The following ZNF331 variants were observed in gnomAD, a reference collection of about 807,000 sequenced individuals.
The protein encoded by ZNF331 is zinc finger protein 331.
In ZNF331, 2 loss-of-function variants were observed where a neutral mutation model predicts 7.0. The ratio of observed to expected loss-of-function variants is 0.29; its 90% CI spans 0.12 to 0.90. ZNF331 has a LOEUF of 0.90. Ranked by LOEUF, ZNF331 falls within the 40% of genes least tolerant of loss-of-function variation. ZNF331 has a pLI of 0.58. For synonymous variants in ZNF331, 196 were observed against 205.4 expected (o/e 0.95, Z 0.39); for missense variants, 432 against 587.7 (o/e 0.74, Z 2.74).
the ZNF331 span, among the ~76,000 whole-genome samples, chr19:53,507,176 G>T: frequency 3.9e-5 from 6 of 152,132 alleles, no homozygotes; most frequent in Admixed American, 3.9e-4. Context: ...GTCATCTGCA[G>T]CCTCTGGAAA....
chr19:53,519,728 C>CT (rs1348545447), upstream of ZNF331, among the ~76,000 whole-genome samples: 7 of 152,202 alleles, frequency 4.6e-5, no homozygotes, highest in African/African-American at 1.7e-4. Context: ...AACGCAAAGT[C>CT]CTGCCCTTAC....
intron 2 of ZNF331, among the ~76,000 whole-genome samples, chr19:53,554,339 G>A (rs950359248): frequency 2.6e-5 from 4 of 152,208 alleles, no homozygotes; most frequent in African/African-American, 9.6e-5. Context: ...CTGGCCACAC[G>A]CATGCGTTGG....
At chr19:53,524,043 T>A (rs2087195729) in intron 2 of ZNF331, among the ~76,000 whole-genome samples, 1 of 152,240 alleles carries the variant, frequency 6.6e-6, no homozygotes, top group Non-Finnish European at 1.5e-5. Flanking sequence ...GATAGTTTGC[T>A]CAGAATGATG....
intron 2 of ZNF331, among the ~76,000 whole-genome samples, chr19:53,541,128 A>G (rs1173571890): frequency 9.2e-6 from 1 of 108,860 alleles, no homozygotes; most frequent in Non-Finnish European, 2.0e-5. Flanking sequence ...TTTTTTTGAG[A>G]CAGAGTTTCG....
At position 53,578,627 on chromosome 19, in the gene ZNF331, T is replaced by C. The variant is rs80147578; in HGVS notation, c.*675T>C. The C allele has an allele frequency of 3.4e-3, 690 of 204,680 alleles. 5 individuals carry two copies. Among genetic ancestry groups the C allele is most frequent in the African/African-American group, 0.015 (650 of 43,768 alleles). The allele number at this position is 204,680 out of a possible 1,614,324, so 12.7% of individuals were successfully genotyped here. ...ATATATGTACAGGAAAAAAACGTAC[T>C]ATCTGTGGTTTCAGGTGTCCACTGC... On this transcript the variant is annotated 3_prime_UTR_variant, in exon 6 of 6. Coordinates refer to ENST00000449416, the MANE Select transcript of ZNF331 (RefSeq NM_001079906.2).
At chr19:53,569,879 A>C (rs568075044) in intron 4 of ZNF331, among the ~76,000 whole-genome samples, 2 of 152,122 alleles carry the variant, frequency 1.3e-5, no homozygotes, top group South Asian at 2.1e-4. Flanking sequence ...CCTGCCGGGA[A>C]ACTGGAGGAT....
chr19:53,539,808 T>C lies in ZNF331; in HGVS notation c.-138+526T>C, dbSNP rs148585937. Among the ~76,000 whole-genome samples the C allele has an allele frequency of 3.4e-3, 520 of 152,300 alleles. 9 individuals are homozygous for C. The highest frequency in any genetic ancestry group is 0.012 in the African/African-American group (499 of 41,570). On this transcript the variant is annotated intron_variant, in intron 2 of 5. Transcript: ENST00000449416. This position sits in a 1 kb window ranked among gnomAD's most constrained non-coding sequence, Gnocchi z 6.1. ...GACATTTAGACCCATTGGTCTACAA[T>C]CGAAGGCTGTGTACCTTGACCACAA...
the ZNF331 span, among the ~76,000 whole-genome samples, chr19:53,506,508 G>GTCTC: frequency 4.7e-5 from 4 of 85,468 alleles, no homozygotes; most frequent in East Asian, 3.5e-4. Context: ...CTCTCTCTCT[G>GTCTC]TCTCTCTCTC....
chr19:53,578,574 C>T lies in ZNF331; in HGVS notation c.*622C>T, dbSNP rs1371637906. ...AAATTAAACTTTAGATATGTATGTA[C>T]AGGAAAAAATGTAGTATATAGTATC... On this transcript the variant is annotated 3_prime_UTR_variant, in exon 6 of 6. Transcript: ENST00000449416. The T allele has an allele frequency of 3.8e-5, 8 of 211,060 alleles. No homozygotes were observed. Among genetic ancestry groups the T allele is most frequent in the Non-Finnish European group, 7.7e-5 (8 of 104,406 alleles). The allele number at this position is 211,060 out of a possible 1,614,324, so 13.1% of individuals were successfully genotyped here. A position where few individuals can be genotyped will look rare whatever the true frequency, so the allele number is the denominator to read the frequency against.
upstream of ZNF331, among the ~76,000 whole-genome samples, chr19:53,535,240 T>G (rs1230967318): frequency 6.7e-6 from 1 of 150,306 alleles, no homozygotes; most frequent in African/African-American, 2.4e-5. Flanking sequence ...TACAGGTGTC[T>G]GCCACACATT....
At chr19:53,542,740 A>C (rs1049816248) in intron 2 of ZNF331, among the ~76,000 whole-genome samples, 3 of 152,138 alleles carry the variant, frequency 2.0e-5, no homozygotes, top group Admixed American at 2.0e-4. Flanking sequence ...AATGAATTTC[A>C]TTCTTAACAT....
Position 53,577,110 on chromosome 19 carries a change from G to A in ZNF331, c.550G>A (p.Glu184Lys). 6.2e-7 allele frequency: 1 copy of A among 1,614,210 alleles called. No homozygotes were observed. Among genetic ancestry groups the A allele is most frequent in the Non-Finnish European group, 8.5e-7 (1 of 1,180,048 alleles). Residue 184 changes from glutamate (E) to lysine (K), a missense_variant, in exon 6 of 6, where the codon GAG becomes AAG. Physicochemically the swap from Glu to Lys is moderately conservative, Grantham distance 56 (BLOSUM62 1). Around this residue, in one of 3 missense-constraint regions of ZNF331, gnomAD observed 312 missense variants for 448.6 expected, o/e 0.70. Coordinates refer to ENST00000449416, the MANE Select transcript of ZNF331 (RefSeq NM_001079906.2). ...TCAACATCAAAAAATTCATACTGGG[G>A]AGAAGCCCTACGAATGTAAAGACTG... ...LTQHQKIHTG[E>K]KPYECKDCGK...
intron 3 of ZNF331, among the ~76,000 whole-genome samples, chr19:53,565,707 C>G (rs531055181): frequency 2.0e-5 from 3 of 150,734 alleles, no homozygotes; most frequent in African/African-American, 7.3e-5. Context: ...TTGTATTTTT[C>G]TAGTAGGGAC....
chr19:53,518,216 C>T (rs1260779501), upstream of ZNF331, among the ~76,000 whole-genome samples: 1 of 152,208 alleles, frequency 6.6e-6, no homozygotes, highest in Non-Finnish European at 1.5e-5. Flanking sequence ...CTGGATGCTT[C>T]CTTCTGCTTC....
the ZNF331 span, among the ~76,000 whole-genome samples, chr19:53,508,140 C>A: frequency 4.6e-5 from 7 of 152,300 alleles, 1 homozygote; most frequent in Middle Eastern, 3.4e-3. Context: ...TGACCAAAAT[C>A]AAGCTCTGGA....
chr19:53,534,310 C>T (rs1209043728), upstream of ZNF331, among the ~76,000 whole-genome samples: 2 of 148,346 alleles, frequency 1.3e-5, no homozygotes, highest in Non-Finnish European at 3.0e-5. Context: ...TTTTTTGATA[C>T]AGAGTCTCAC....
At chr19:53,549,893 G>A (rs551184477) in intron 2 of ZNF331, among the ~76,000 whole-genome samples, 7 of 152,050 alleles carry the variant, frequency 4.6e-5, no homozygotes, top group South Asian at 2.1e-4. Flanking sequence ...ATAAACTTCC[G>A]GCTTAGAACT....
At chr19:53,549,736 G>A (rs1331562968) in intron 2 of ZNF331, among the ~76,000 whole-genome samples, 3 of 149,810 alleles carry the variant, frequency 2.0e-5, no homozygotes. Context: ...TTTTCATATT[G>A]TTTTCCAGTC....
intron 5 of ZNF331, among the ~76,000 whole-genome samples, chr19:53,575,111 A>G (rs143342432): frequency 6.7e-6 from 1 of 149,034 alleles, no homozygotes; most frequent in East Asian, 2.0e-4. Context: ...TAATTTTTGT[A>G]TTTTTTTTGT....
Sources: gnomAD v4.1 joint callset for allele counts (sites outside exome capture counted in the v4.1 genomes callset) on GRCh38, gnomAD v4.1.1 for gene constraint, gnomAD v4.1.1 regional missense constraint, Gnocchi (gnomAD v3.1) non-coding constraint, MANE v1.5 for transcripts, NCBI Gene and HGNC (gene_info 2026-07-23, HGNC 2026-07-21) for gene names.